PPP4R3A: variants seen among roughly 807,000 people sequenced by gnomAD.
The protein encoded by PPP4R3A is serine/threonine-protein phosphatase 4 regulatory subunit 3A.
PPP4R3A carries 15 observed loss-of-function variants against 91.7 expected under a neutral mutation model. That is an observed-to-expected ratio of 0.16 (90% CI 0.11 to 0.25). PPP4R3A has a LOEUF of 0.25. Among genes scored for constraint, PPP4R3A ranks in the 10% least tolerant of loss-of-function variants. The pLI, the probability that PPP4R3A is intolerant of heterozygous loss-of-function variation, is 1.00. For missense variants in PPP4R3A, 623 were observed against 998.4 expected, an observed-to-expected ratio of 0.62 and a Z score of 5.07; for synonymous variants, 377 against 348.7, an observed-to-expected ratio of 1.08 and a Z score of -0.91.
At chr14:91,461,902 CT>C (rs1364596819) in intron 13 of PPP4R3A, 146 bp downstream of exon 13, 4 of 1,290,740 alleles carry the variant, frequency 3.1e-6, no homozygotes, top group Non-Finnish European at 4.1e-6. Flanking sequence ...CACAACACTG[CT>C]ATTCAGTCAC....
chr14:91,487,791 C>T (rs528984058), intron 2 of PPP4R3A, among the ~76,000 whole-genome samples: 3 of 152,186 alleles, frequency 2.0e-5, no homozygotes, highest in Non-Finnish European at 4.4e-5. Flanking sequence ...TCAAGGCTCA[C>T]TGCAGCCTCT....
chr14:91,481,446 T>C (rs1196803921), intron 4 of PPP4R3A, 130 bp downstream of exon 4: 1 of 952,188 alleles, frequency 1.1e-6, no homozygotes, highest in Non-Finnish European at 1.5e-6. Flanking sequence ...TATATTATAA[T>C]CTCTTAAAAT....
chr14:91,492,497 A>G (rs988877824), intron 1 of PPP4R3A, among the ~76,000 whole-genome samples: 3 of 152,234 alleles, frequency 2.0e-5, no homozygotes, highest in African/African-American at 7.2e-5. Context: ...GTAATACCGA[A>G]CACAGTAAAT....
intron 1 of PPP4R3A, among the ~76,000 whole-genome samples, chr14:91,494,089 T>C (rs1296971107): frequency 6.6e-6 from 1 of 152,072 alleles, no homozygotes; most frequent in Non-Finnish European, 1.5e-5. Flanking sequence ...CCGTCTCTAC[T>C]AAAGACACAC....
intron 1 of PPP4R3A, among the ~76,000 whole-genome samples, chr14:91,498,566 G>A (rs774867749): frequency 2.0e-5 from 3 of 152,070 alleles, no homozygotes; most frequent in Non-Finnish European, 4.4e-5. Context: ...GTGGTGGCAC[G>A]CGCCAATGAC....
At chr14:91,459,134 T>C (rs1801786562) in intron 14 of PPP4R3A, among the ~76,000 whole-genome samples, 1 of 152,172 alleles carries the variant, frequency 6.6e-6, no homozygotes, top group South Asian at 2.1e-4. Context: ...AGTCGGAGTC[T>C]CGCTATGTCA....
At chr14:91,503,697 C>T (rs1891101440) in intron 1 of PPP4R3A, among the ~76,000 whole-genome samples, 1 of 151,910 alleles carries the variant, frequency 6.6e-6, no homozygotes, top group Non-Finnish European at 1.5e-5. Context: ...CAAACCTGCA[C>T]ACGTACCCGG....
chr14:91,508,219 A>G (rs1891534819), intron 1 of PPP4R3A, among the ~76,000 whole-genome samples: 1 of 152,198 alleles, frequency 6.6e-6, no homozygotes, highest in Non-Finnish European at 1.5e-5. Flanking sequence ...AAAGAAAATA[A>G]TTTCTCTCCA....
chr14:91,471,305 CA>C (rs1888815621), intron 9 of PPP4R3A, among the ~76,000 whole-genome samples: 1 of 152,074 alleles, frequency 6.6e-6, no homozygotes, highest in South Asian at 2.1e-4. Context: ...TGCCTTATTC[CA>C]AAATTCAAGG....
intron 2 of PPP4R3A, among the ~76,000 whole-genome samples, chr14:91,487,439 G>C (rs1889966746): frequency 6.6e-6 from 1 of 151,916 alleles, no homozygotes; most frequent in Non-Finnish European, 1.5e-5. Flanking sequence ...TTCAAAATCT[G>C]AAGGGCTATG....
chr14:91,490,884 A>T lies in PPP4R3A; in HGVS notation c.143-82T>A, dbSNP rs1343637377. ...CCCTTACATACACACATATTTCCTT[A>T]AAAAAAATAATAATAATTTTTTTTT... On this transcript the variant is annotated intron_variant, in intron 1 of 14. Transcript: ENST00000554943. 8.7e-6 allele frequency: 5 copies of T among 577,748 alleles called. 1 individual carries two copies. Among genetic ancestry groups the T allele is most frequent in the Non-Finnish European group, 1.3e-5 (5 of 389,226 alleles). The allele number at this position is 577,748 out of a possible 1,614,324, so 35.8% of individuals were successfully genotyped here. A position where few individuals can be genotyped will look rare whatever the true frequency, so the allele number is the denominator to read the frequency against.
intron 1 of PPP4R3A, among the ~76,000 whole-genome samples, chr14:91,501,764 G>C (rs554994143): frequency 6.6e-6 from 1 of 151,544 alleles, no homozygotes; most frequent in South Asian, 2.1e-4. Flanking sequence ...AAGTGCAGTG[G>C]CGCGATCTTG....
At chr14:91,472,071 A>AC in intron 9 of PPP4R3A, among the ~76,000 whole-genome samples, 1 of 150,820 alleles carries the variant, frequency 6.6e-6, no homozygotes, top group South Asian at 2.1e-4. Flanking sequence ...TCTCCAAAAA[A>AC]AAAAAAAAAA....
At chr14:91,466,645 C>T (rs1156231291) in intron 10 of PPP4R3A, among the ~76,000 whole-genome samples, 2 of 152,044 alleles carry the variant, frequency 1.3e-5, no homozygotes, top group Non-Finnish European at 1.5e-5. Context: ...TTTTTAAAAA[C>T]ATACTCATGG....
At position 91,458,624 on chromosome 14, in the gene PPP4R3A, A is replaced by AG; in HGVS notation, c.*134dup. The AG allele has an allele frequency of 7.9e-7, 1 of 1,272,758 alleles. No homozygotes were observed. Among genetic ancestry groups the AG allele is most frequent in the Non-Finnish European group, 1.1e-6 (1 of 871,924 alleles). 78.8% of individuals were successfully genotyped at this position (1,272,758 alleles called of 1,614,324 possible). On this transcript the variant is annotated 3_prime_UTR_variant, in exon 15 of 15. Coordinates refer to ENST00000554943, the MANE Select transcript of PPP4R3A (RefSeq NM_001366432.2). ...TCCATTGAATTGGCACTTGATGAGC[A>AG]GAAGTCAAGTGTAAGAGGCTGATCT...
chr14:91,498,917 CA>C lies in PPP4R3A; in HGVS notation c.143-8116del, dbSNP rs530802333. On this transcript the variant is annotated intron_variant, in intron 1 of 14. Coordinates refer to ENST00000554943, the MANE Select transcript of PPP4R3A (RefSeq NM_001366432.2). Reference sequence around the variant, plus strand: ...TGGGCGACAGAGTGAGACTCCAACTCAAAAAAAAAAAAAAAAAGAAGCCTGG... The same window carrying C: ...TGGGCGACAGAGTGAGACTCCAACTCAAAAAAAAAAAAAAAAGAAGCCTGG... Among the ~76,000 whole-genome samples the C allele has an allele frequency of 2.6e-3, 238 of 91,318 alleles. 1 individual carries two copies. The highest frequency in any genetic ancestry group is 3.9e-3 in the African/African-American group (94 of 24,398). The allele number at this position is 91,318 out of a possible 152,430, so 59.9% of individuals were successfully genotyped here.
chr14:91,488,364 TAA>T (rs1259662717), intron 2 of PPP4R3A, among the ~76,000 whole-genome samples: 3 of 152,210 alleles, frequency 2.0e-5, no homozygotes, highest in Non-Finnish European at 4.4e-5. Flanking sequence ...GCAGTATTAC[TAA>T]GTCTATAATT....
rs373184536 is a variant in PPP4R3A at position 91,507,483 on chromosome 14, A to AG, written c.142+2022_142+2023insC. Among the ~76,000 whole-genome samples, 267 of 122,750 alleles carry AG rather than the reference A, an allele frequency of 2.2e-3. 37 individuals are homozygous for AG. The South Asian group carries it at 0.033, about 15-fold the overall frequency. The allele number at this position is 122,750 out of a possible 152,430, so 80.5% of individuals were successfully genotyped here. On this transcript the variant is annotated intron_variant, in intron 1 of 14. Coordinates refer to ENST00000554943, the MANE Select transcript of PPP4R3A (RefSeq NM_001366432.2). Reference sequence around the variant, plus strand: ...TACTATAATTATATATACTATAGTTATATATACTATATAGAATATATGCTA... The same window carrying AG: ...TACTATAATTATATATACTATAGTTAGTATATACTATATAGAATATATGCTA...
At chr14:91,460,292 C>T (rs1182155186) in intron 14 of PPP4R3A, among the ~76,000 whole-genome samples, 3 of 152,140 alleles carry the variant, frequency 2.0e-5, no homozygotes, top group Admixed American at 1.3e-4. Flanking sequence ...GGATTACGGG[C>T]GTAAGCCACC....
Sources: gnomAD v4.1 joint callset for allele counts (sites outside exome capture counted in the v4.1 genomes callset) on GRCh38, gnomAD v4.1.1 for gene constraint, MANE v1.5 for transcripts, NCBI Gene and HGNC (gene_info 2026-07-23, HGNC 2026-07-21) for gene names.